The following SLC14A1 variants were observed in gnomAD, a reference collection of about 807,000 sequenced individuals.
SLC14A1 encodes solute carrier family 14 member 1 (Kidd blood group), also known as urea transporter 1.
SLC14A1 carries 36 observed loss-of-function variants against 39.6 expected under a neutral mutation model. The observed-to-expected ratio is 0.91, with a 90% CI of 0.70 to 1.20. SLC14A1 has a LOEUF of 1.20. Ranked by LOEUF, SLC14A1 falls within the 50% of genes most tolerant of loss-of-function variation. The pLI is 0.00. For synonymous variants in SLC14A1, 164 were observed against 173.6 expected, an observed-to-expected ratio of 0.94 and a Z score of 0.43; for missense variants, 469 against 478.7, an observed-to-expected ratio of 0.98 and a Z score of 0.19.
At chr18:45,747,056 G>A (rs555641727) in intron 8 of SLC14A1, 2 of 152,308 alleles carry the variant, frequency 1.3e-5, no homozygotes, top group South Asian at 2.1e-4. Context: ...CTATGGTAAA[G>A]TAAATGAGGA....
intron 8 of SLC14A1, 67 bp downstream of exon 8, chr18:45,739,729 T>C: frequency 6.2e-7 from 1 of 1,606,684 alleles, no homozygotes; most frequent in Non-Finnish European, 8.5e-7. Flanking sequence ...GGATAAGCAG[T>C]AAAAACGGAC....
rs1370026461 is a variant in SLC14A1, at chr18:45,736,441, C to T, written c.471-15C>T. 3 of 1,613,874 alleles carry T rather than the reference C, an allele frequency of 1.9e-6. No individual in the cohort carries two copies. Among genetic ancestry groups the T allele is most frequent in the Non-Finnish European group, 1.7e-6 (2 of 1,179,746 alleles). ...TTTGTCACATGCACATTCTTTTGCT[C>T]TGTTCTTTTTTTAGCCCAATTTTCT... On this transcript the variant is annotated splice_polypyrimidine_tract_variant and intron_variant, in intron 5 of 9. Coordinates refer to ENST00000321925, the MANE Select transcript of SLC14A1 (RefSeq NM_015865.7).
chr18:45,750,052 A>G lies in SLC14A1; in HGVS notation c.*101A>G, dbSNP rs1220883767. ...AAACTGCTGTTTTTCACGAGTATCA[A>G]CTTTCATACTGACGCGTCTGTAATC... On this transcript the variant is annotated 3_prime_UTR_variant, in exon 10 of 10. Coordinates refer to ENST00000321925, the MANE Select transcript of SLC14A1 (RefSeq NM_015865.7). 3.7e-6 allele frequency: 6 copies of G among 1,608,020 alleles called. No individual in the cohort carries two copies. Among genetic ancestry groups the G allele is most frequent in the East Asian group, 2.2e-5 (1 of 44,890 alleles).
At position 45,734,352 on chromosome 18, in the gene SLC14A1, A is replaced by G. The variant is rs2047121394; in HGVS notation, c.420A>G (p.Gly140=). ...TCATGGCTGTCTTTTCGGACAAGGG[A>G]GACTATTTCTGGTGGCTGTTACTCC... The part of the protein sequence containing the change: ...GVLMAVFSDK[G]DYFWWLLLPV... Residue 140 remains glycine, a synonymous_variant, in exon 5 of 10, where the codon GGA becomes GGG. Transcript: ENST00000321925. 3 of 1,613,646 alleles carry G rather than the reference A, an allele frequency of 1.9e-6. No homozygotes were observed. The highest frequency in any genetic ancestry group is 2.5e-6 in the Non-Finnish European group (3 of 1,179,906).
At chr18:45,730,927 G>A in intron 3 of SLC14A1, 88 bp from the exon 4 acceptor site, 1 of 1,127,412 alleles carries the variant, frequency 8.9e-7, no homozygotes, top group Non-Finnish European at 1.3e-6. Context: ...CTTCCAGGAG[G>A]TTTTGCTGAT....
chr18:45,731,954 C>A (rs138543875), intron 4 of SLC14A1, among the ~76,000 whole-genome samples: 24 of 152,234 alleles, frequency 1.6e-4, no homozygotes, highest in African/African-American at 5.5e-4. Flanking sequence ...TAAAGAGGTC[C>A]GTGGGGAGAG....
At chr18:45,744,214 A>T (rs2047478033) in intron 8 of SLC14A1, among the ~76,000 whole-genome samples, 1 of 152,128 alleles carries the variant, frequency 6.6e-6, no homozygotes, top group Admixed American at 6.5e-5. Flanking sequence ...GGGTTTTGCC[A>T]TGTTGGCCAG....
At chr18:45,727,966 C>T (rs1294160816) in intron 2 of SLC14A1, among the ~76,000 whole-genome samples, 2 of 152,168 alleles carry the variant, frequency 1.3e-5, no homozygotes, top group Non-Finnish European at 2.9e-5. Context: ...AAGGGTTCAG[C>T]TGTTCAGAAT....
intron 8 of SLC14A1, among the ~76,000 whole-genome samples, chr18:45,740,497 G>A (rs1379657646): frequency 2.7e-5 from 4 of 147,502 alleles, no homozygotes; most frequent in African/African-American, 1.0e-4. Flanking sequence ...CTTCAGCCTG[G>A]GCAACAGAGC....
chr18:45,727,317 G>A, intron 2 of SLC14A1: 4 of 1,551,484 alleles, frequency 2.6e-6, no homozygotes, highest in Non-Finnish European at 3.5e-6. Flanking sequence ...CGCCCGTCAT[G>A]GTCCTGTTTG....
Position 45,730,086 on chromosome 18 carries a change from T to C in SLC14A1, c.-21-214T>C, listed in dbSNP as rs1272563208. ...CCTTATGAAATTAAAGACCAGAACA[T>C]TCTCATGGTAGCATTACAGACACTG... On this transcript the variant is annotated intron_variant, in intron 2 of 9. Coordinates refer to ENST00000321925, the MANE Select transcript of SLC14A1 (RefSeq NM_015865.7). 1.7e-5 allele frequency: 8 copies of C among 477,354 alleles called. 1 individual carries two copies. The Admixed American group carries it at 2.8e-4, about 17-fold the overall frequency. 29.6% of individuals were successfully genotyped at this position (477,354 alleles called of 1,614,324 possible).
At chr18:45,728,785 A>G (rs1442116671) in intron 2 of SLC14A1, among the ~76,000 whole-genome samples, 2 of 152,206 alleles carry the variant, frequency 1.3e-5, no homozygotes, top group Non-Finnish European at 2.9e-5. Context: ...ACATTGTTTT[A>G]CCGAGATAAA....
intron 8 of SLC14A1, among the ~76,000 whole-genome samples, chr18:45,740,531 AAAAAAGAG>A (rs1360121958): frequency 1.3e-5 from 2 of 151,676 alleles, no homozygotes; most frequent in Non-Finnish European, 2.9e-5. Flanking sequence ...AAAAAAAAAA[AAAAAAGAG>A]AAAAGAAAAA....
In SLC14A1 at chr18:45,750,135, G is replaced by A. The variant is rs2144870652; in HGVS notation, c.*184G>A. 8 of 1,475,342 alleles carry A rather than the reference G, an allele frequency of 5.4e-6. No homozygotes were observed. In the South Asian group the frequency reaches 7.0e-5, roughly 13 times the overall value. 91.4% of individuals were successfully genotyped at this position (1,475,342 alleles called of 1,614,324 possible). The stretch of plus-strand genomic sequence containing the variant: ...ACTCCAGGAATATCCTTGAGCATAT[G>A]AGAGTCACATCCAGGTGATGTGCTC... On this transcript the variant is annotated 3_prime_UTR_variant, in exon 10 of 10. Coordinates refer to ENST00000321925, the MANE Select transcript of SLC14A1 (RefSeq NM_015865.7).
rs142947289 is a variant in SLC14A1 at position 45,733,852 on chromosome 18, C to T, written c.342-422C>T. Among the ~76,000 whole-genome samples, 385 of 152,276 alleles carry T rather than the reference C, an allele frequency of 2.5e-3. 7 individuals carry two copies. The highest frequency in any genetic ancestry group is 4.6e-4 in the Non-Finnish European group (31 of 67,990). On this transcript the variant is annotated intron_variant, in intron 4 of 9. Transcript: ENST00000321925. ...ACCTGAGCTCCGCCTCCTGTCAGAT[C>T]AGCAGAAGCATTAGCTTCTCATAAG...
chr18:45,727,001 C>A (rs1444960741), intron 2 of SLC14A1: 2 of 389,036 alleles, frequency 5.1e-6, no homozygotes, highest in Non-Finnish European at 9.7e-6. Flanking sequence ...GGATGGCTTC[C>A]CGTTATTTTT....
In SLC14A1 at chr18:45,727,373, C is replaced by A. The variant is rs11877086; in HGVS notation, c.-22+2360C>A. Reference sequence around the variant, plus strand: ...AAGCTGGTGACGCAGCGCGCAGAGGCATCGCCCGGCTAAGCTTGGCCCTGG... The same window carrying A: ...AAGCTGGTGACGCAGCGCGCAGAGGAATCGCCCGGCTAAGCTTGGCCCTGG... On this transcript the variant is annotated intron_variant, in intron 2 of 9. Coordinates refer to ENST00000321925, the MANE Select transcript of SLC14A1 (RefSeq NM_015865.7). The A allele has an allele frequency of 0.47, 736,011 of 1,550,130 alleles. 177,838 individuals are homozygous for A. Among genetic ancestry groups the A allele is most frequent in the East Asian group, 0.54 (22,026 of 40,858 alleles).
chr18:45,727,380 C>T (rs1599242913), intron 2 of SLC14A1: 5 of 1,550,370 alleles, frequency 3.2e-6, no homozygotes, highest in African/African-American at 1.4e-5. Flanking sequence ...AGGCATCGCC[C>T]GGCTAAGCTT....
intron 2 of SLC14A1, among the ~76,000 whole-genome samples, chr18:45,728,069 TC>T: frequency 6.6e-6 from 1 of 152,236 alleles, no homozygotes; most frequent in East Asian, 1.9e-4. Flanking sequence ...CTACAACCCA[TC>T]CCAATTATGT....
Sources: allele counts gnomAD v4.1 joint callset (sites outside exome capture counted in the v4.1 genomes callset), GRCh38; gene constraint gnomAD v4.1.1; transcripts MANE v1.5; gene names NCBI Gene and HGNC (gene_info 2026-07-23, HGNC 2026-07-21).